The following KIF2A variants were observed in gnomAD, a reference collection of about 807,000 sequenced individuals.
KIF2A encodes kinesin-like protein KIF2A.
Under a neutral mutation model 100.2 loss-of-function variants are expected in KIF2A, and 22 were observed. The observed-to-expected ratio is 0.22, with a 90% CI of 0.16 to 0.31. The LOEUF is 0.31. KIF2A is among the 10% of genes least tolerant of loss of function. The pLI is 1.00. For synonymous variants in KIF2A, 268 were observed against 285.9 expected (o/e 0.94, Z 0.63); for missense variants, 495 against 898.7 (o/e 0.55, Z 5.74).
intron 1 of KIF2A, among the ~76,000 whole-genome samples, chr5:62,315,405 G>C (rs534943576): frequency 6.6e-6 from 1 of 152,328 alleles, no homozygotes; most frequent in South Asian, 2.1e-4. Context: ...AGTGATTCCA[G>C]GGTATAGCCA....
rs1268736991 is a variant in KIF2A at position 62,386,631 on chromosome 5, T to G, written c.*1062T>G. On this transcript the variant is annotated 3_prime_UTR_variant, in exon 21 of 21. Coordinates refer to ENST00000407818, the MANE Select transcript of KIF2A (RefSeq NM_001098511.3). ...TTTAAGCCAAGTGTAGACAGTACAT[T>G]ACTCCCTTGAAAAAGAATTAAGTTG... 6.6e-6 allele frequency among the ~76,000 whole-genome samples: 1 copy of G among 152,226 alleles called. No individual in the cohort carries two copies. The highest frequency in any genetic ancestry group is 6.5e-5 in the Admixed American group (1 of 15,282).
At chr5:62,330,073 G>A (rs1331201913) in intron 1 of KIF2A, among the ~76,000 whole-genome samples, 7 of 152,124 alleles carry the variant, frequency 4.6e-5, no homozygotes, top group South Asian at 2.1e-4. Context: ...AAATGGGGCC[G>A]GGCACAGTGG....
chr5:62,368,726 G>A (rs532143665), intron 16 of KIF2A, among the ~76,000 whole-genome samples: 31 of 151,616 alleles, frequency 2.0e-4, no homozygotes, highest in Admixed American at 1.7e-3. Flanking sequence ...ACAGTGAGTT[G>A]TAATTGCACC....
intron 19 of KIF2A, among the ~76,000 whole-genome samples, chr5:62,379,454 C>T (rs923503786): frequency 3.9e-5 from 6 of 151,996 alleles, no homozygotes; most frequent in African/African-American, 1.2e-4. Context: ...CCTGAGTTTG[C>T]GAGTTCGATA....
intron 1 of KIF2A, chr5:62,308,531 A>G: frequency 4.3e-6 from 3 of 703,926 alleles, no homozygotes; most frequent in Non-Finnish European, 7.8e-6. Context: ...GGCTAAAGAA[A>G]TTATGTGTGT....
intron 3 of KIF2A, 145 bp downstream of exon 3, chr5:62,348,312 C>A: frequency 1.4e-6 from 1 of 706,522 alleles, no homozygotes; most frequent in Admixed American, 3.0e-5. Context: ...CATATATATA[C>A]ATACATATTT....
chr5:62,334,797 C>T (rs1451606999), intron 1 of KIF2A, among the ~76,000 whole-genome samples: 1 of 152,270 alleles, frequency 6.6e-6, no homozygotes, highest in East Asian at 1.9e-4. Flanking sequence ...CCACACACCC[C>T]AAAGTCTCTA....
At chr5:62,334,780 C>T (rs558768354) in intron 1 of KIF2A, among the ~76,000 whole-genome samples, 199 of 152,270 alleles carry the variant, frequency 1.3e-3, no homozygotes, top group African/African-American at 4.6e-3. Flanking sequence ...GTAATCTGCA[C>T]ACCCAGCCAC....
rs549665111 is a variant in KIF2A, at chr5:62,370,380, G to A, written c.1647-2058G>A. On this transcript the variant is annotated intron_variant, in intron 16 of 20. Coordinates refer to ENST00000407818, the MANE Select transcript of KIF2A (RefSeq NM_001098511.3). ...ACAATCTCAGCTCACTGCAGCCTCTGACTCCGGGGTTCAAGCGATTCTCCT... is the reference window on the plus strand; with the variant it reads ...ACAATCTCAGCTCACTGCAGCCTCTAACTCCGGGGTTCAAGCGATTCTCCT... Among the ~76,000 whole-genome samples the A allele has an allele frequency of 1.8e-3, 269 of 152,188 alleles. 1 individual carries two copies. The highest frequency in any genetic ancestry group is 2.9e-3 in the Non-Finnish European group (199 of 68,022).
At chr5:62,350,187 C>A in intron 4 of KIF2A, 67 bp downstream of exon 4, 1 of 823,354 alleles carries the variant, frequency 1.2e-6, no homozygotes, top group South Asian at 1.7e-5. Context: ...CAAGGTAAAT[C>A]AAAAGTAAAC....
intron 1 of KIF2A, among the ~76,000 whole-genome samples, chr5:62,319,519 A>C (rs1745998278): frequency 6.6e-6 from 1 of 152,148 alleles, no homozygotes; most frequent in Admixed American, 6.5e-5. Flanking sequence ...ATGAGTGGCG[A>C]GTCCCCTTTG....
chr5:62,366,555 C>T (rs1056255010), intron 16 of KIF2A, 74 bp downstream of exon 16: 32 of 906,838 alleles, frequency 3.5e-5, no homozygotes, highest in African/African-American at 1.0e-4. Flanking sequence ...ATATCTGCCT[C>T]GTGCGGTGGC....
rs765048858 is a variant in KIF2A, at chr5:62,381,101, A to G, written c.2014-17A>G. 2.5e-6 allele frequency: 4 copies of G among 1,597,424 alleles called. No homozygotes were observed. The African/African-American group carries it at 5.4e-5, about 22-fold the overall frequency. ...CACAAAGATGCTTATTGGATTATCGAATTTTTGTCCTTGTAGGAATCTATT... is the reference window on the plus strand; with the variant it reads ...CACAAAGATGCTTATTGGATTATCGGATTTTTGTCCTTGTAGGAATCTATT... On this transcript the variant is annotated splice_polypyrimidine_tract_variant and intron_variant, in intron 19 of 20. Transcript: ENST00000407818.
intron 20 of KIF2A, among the ~76,000 whole-genome samples, chr5:62,384,471 TGTG>T (rs1741925119): frequency 6.6e-6 from 1 of 152,222 alleles, no homozygotes; most frequent in Non-Finnish European, 1.5e-5. Flanking sequence ...AGTGTTATCC[TGTG>T]CCTTGTACAA....
chr5:62,366,933 A>G (rs964212085), intron 16 of KIF2A, among the ~76,000 whole-genome samples: 7 of 152,218 alleles, frequency 4.6e-5, no homozygotes. Flanking sequence ...TAAGATGACA[A>G]TATAGAATCA....
chr5:62,329,178 A>G (rs1746521164), intron 1 of KIF2A, among the ~76,000 whole-genome samples: 1 of 152,218 alleles, frequency 6.6e-6, no homozygotes, highest in African/African-American at 2.4e-5. Context: ...AGGAAATACT[A>G]GAACTTTCAA....
intron 1 of KIF2A, among the ~76,000 whole-genome samples, chr5:62,318,056 A>G (rs1447289832): frequency 2.0e-5 from 3 of 152,026 alleles, no homozygotes; most frequent in African/African-American, 7.2e-5. Flanking sequence ...GACATAATAG[A>G]TTGATTTGGG....
intron 16 of KIF2A, among the ~76,000 whole-genome samples, chr5:62,369,716 A>T (rs1229255239): frequency 1.3e-5 from 2 of 151,408 alleles, no homozygotes; most frequent in African/African-American, 2.4e-5. Context: ...TTCCTCCTTT[A>T]TACTAAATCT....
In KIF2A at chr5:62,369,675, A is replaced by ATTT. The variant is rs34109812; in HGVS notation, c.1647-2754_1647-2752dup. 3.0e-3 allele frequency among the ~76,000 whole-genome samples: 445 copies of ATTT among 150,284 alleles called. 2 individuals are homozygous for ATTT. The highest frequency in any genetic ancestry group is 9.9e-3 in the African/African-American group (408 of 41,138). On this transcript the variant is annotated intron_variant, in intron 16 of 20. Coordinates refer to ENST00000407818, the MANE Select transcript of KIF2A (RefSeq NM_001098511.3). ...TGTTTTGTGACCTTAAGAGTCAGTA[A>ATTT]TTTTTTTTTTTAACAGCCAAAAATA...
Sources: gnomAD v4.1 joint callset for allele counts (sites outside exome capture counted in the v4.1 genomes callset) on GRCh38, gnomAD v4.1.1 for gene constraint, MANE v1.5 for transcripts, NCBI Gene and HGNC (gene_info 2026-07-23, HGNC 2026-07-21) for gene names.